OR10G3: variants seen among roughly 807,000 people sequenced by gnomAD.
The protein encoded by OR10G3 is olfactory receptor 10G3.
Under a neutral mutation model 13.4 loss-of-function variants are expected in OR10G3, and 8 were observed. The observed-to-expected ratio is 0.60, with a 90% CI of 0.35 to 1.08. OR10G3 has a LOEUF of 1.08. Among genes scored for constraint, OR10G3 ranks in the 50% least tolerant of loss-of-function variants. The pLI is 0.02. For synonymous variants in OR10G3, 142 were observed against 156.1 expected (o/e 0.91, Z 0.67); for missense variants, 393 against 386.6 (o/e 1.02, Z -0.14).
chr14:21,577,967 G>A (rs116826815), intron 1 of OR10G3, among the ~76,000 whole-genome samples: 3,955 of 151,824 alleles, frequency 0.026, 176 homozygotes, highest in African/African-American at 0.091. Context: ...ACACCATTGC[G>A]TTCCAGTCTG....
chr14:21,578,848 T>C (rs1876818763), intron 1 of OR10G3, among the ~76,000 whole-genome samples: 1 of 152,136 alleles, frequency 6.6e-6, no homozygotes, highest in Non-Finnish European at 1.5e-5. Context: ...AATATATACA[T>C]ATATAATATG....
intron 1 of OR10G3, among the ~76,000 whole-genome samples, chr14:21,572,337 G>T (rs560089437): frequency 4.7e-4 from 60 of 127,210 alleles, no homozygotes; most frequent in African/African-American, 1.7e-3. Context: ...GGTGGCTCAC[G>T]CCTGTAATCC....
rs1893042573 is a variant in OR10G3, at chr14:21,569,870, C to CG, written c.874dup (p.Arg292ProfsTer21). ...CAGGGCCAGCTTCACCTCTTGGTTC[C>CG]GCAGAGTGTAGATAAGGGGGTTGAG... On this transcript the variant is annotated frameshift_variant, in exon 2 of 2. Transcript: ENST00000641040. LOFTEE classifies it high-confidence loss of function. 1 of 1,614,138 alleles carries CG rather than the reference C, an allele frequency of 6.2e-7. No individual in the cohort carries two copies. Among genetic ancestry groups the CG allele is most frequent in the African/African-American group, 1.3e-5 (1 of 75,024 alleles).
chr14:21,574,320 A>G (rs376380340), intron 1 of OR10G3, among the ~76,000 whole-genome samples: 16,800 of 150,624 alleles, frequency 0.11, 1,141 homozygotes, highest in Middle Eastern at 0.17. Context: ...AAAAAAAAAA[A>G]AAAAGAAATT....
In OR10G3 at chr14:21,570,598, G is replaced by T; in HGVS notation, c.147C>A (p.Val49=). ...QLGNLLILIT[V]WADPRLHARP... ...GGGCATGGAGCCTTGGGTCTGCCCA[G>T]ACAGTGATTAAAATAAGCAGGTTTC... is the stretch of plus-strand genomic sequence containing the variant. Residue 49 remains valine, a synonymous_variant, in exon 2 of 2, where the codon GTC becomes GTA. Coordinates refer to ENST00000641040, the MANE Select transcript of OR10G3 (RefSeq NM_001005465.2). 1 of 1,614,138 alleles carries T rather than the reference G, an allele frequency of 6.2e-7. No homozygotes were observed. Among genetic ancestry groups the T allele is most frequent in the Non-Finnish European group, 8.5e-7 (1 of 1,180,024 alleles).
chr14:21,569,626 CTT>C lies in OR10G3; in HGVS notation c.*175_*176del. ...TACTCTTGCAGTGGCTGAGAGTTAT[CTT>C]GAGAGGATACTAAGGAACTGTTAGA... On this transcript the variant is annotated 3_prime_UTR_variant, in exon 2 of 2. Transcript: ENST00000641040. 1.7e-6 allele frequency: 1 copy of C among 599,760 alleles called. No homozygotes were observed. Among genetic ancestry groups the C allele is most frequent in the Non-Finnish European group, 2.9e-6 (1 of 345,806 alleles). The allele number at this position is 599,760 out of a possible 1,614,324, so 37.2% of individuals were successfully genotyped here.
Position 21,570,258 on chromosome 14 carries a change from G to C in OR10G3, c.487C>G (p.Leu163Val), listed in dbSNP as rs747117087. ...CCACAGTAGGGCAGGCGGAAGGTTA[G>C]GATGGCCTGGAGAGCCCCATGGATG... ...GSIHGALQAI[L>V]TFRLPYCGPN... The change falls in exon 2 of 2, where the codon CTA becomes GTA. Residue 163 changes from leucine (L) to valine (V), a missense_variant. Leu to Val is a conservative substitution (Grantham distance 32). Transcript: ENST00000641040. 6.2e-7 allele frequency: 1 copy of C among 1,614,226 alleles called. No individual in the cohort carries two copies. Among genetic ancestry groups the C allele is most frequent in the East Asian group, 2.2e-5 (1 of 44,888 alleles).
chr14:21,569,110 A>T lies in OR10G3; in HGVS notation c.*693T>A, dbSNP rs181418863. ...ACTCACATGGTCACAAGGTCCCACA[A>T]TAGGCCATCTGCAGGCTGAGGAGCA... On this transcript the variant is annotated 3_prime_UTR_variant, in exon 2 of 2. Transcript: ENST00000641040. 2.5e-4 allele frequency: 38 copies of T among 152,494 alleles called. No individual in the cohort carries two copies. The highest frequency in any genetic ancestry group is 8.7e-4 in the African/African-American group (36 of 41,496). 9.4% of individuals were successfully genotyped at this position (152,494 alleles called of 1,614,324 possible). A position where few individuals can be genotyped will look rare whatever the true frequency, so the allele number is the denominator to read the frequency against.
At chr14:21,572,653 T>C (rs548370709) in intron 1 of OR10G3, among the ~76,000 whole-genome samples, 2 of 147,782 alleles carry the variant, frequency 1.4e-5, no homozygotes, top group East Asian at 3.9e-4. Context: ...GTTGGAATAA[T>C]GAGCTTTTAA....
rs1318840744 is a variant in OR10G3, at chr14:21,575,327, C to T, written c.-18+4459G>A. On this transcript the variant is annotated intron_variant, in intron 1 of 1. Transcript: ENST00000641040. ...CGATCTCCTGACCTCATGATCTGCC[C>T]GCCTCGGCCTCCCAAAGTGCTGGGA... Among the ~76,000 whole-genome samples the T allele has an allele frequency of 4.0e-5, 6 of 151,364 alleles. No individual in the cohort carries two copies. In the East Asian group the frequency reaches 5.9e-4, roughly 15 times the overall value.
At chr14:21,570,876 A>G in intron 1 of OR10G3, 115 bp from the exon 2 acceptor site, 1 of 621,268 alleles carries the variant, frequency 1.6e-6, no homozygotes, top group Non-Finnish European at 2.8e-6. Context: ...CTTACGTGGA[A>G]AGATGACAAG....
At chr14:21,576,251 A>C (rs1299387752) in intron 1 of OR10G3, among the ~76,000 whole-genome samples, 1 of 152,130 alleles carries the variant, frequency 6.6e-6, no homozygotes, top group Non-Finnish European at 1.5e-5. Context: ...CTAAACAAAT[A>C]ATTTATTACT....
chr14:21,579,510 G>T (rs1314486919), intron 1 of OR10G3, among the ~76,000 whole-genome samples: 1 of 152,210 alleles, frequency 6.6e-6, no homozygotes, highest in Non-Finnish European at 1.5e-5. Flanking sequence ...ATCCCAAAGT[G>T]CTGGGATTAC....
Position 21,579,975 on chromosome 14 carries a change from T to C in OR10G3, c.-207A>G, listed in dbSNP as rs539473436. The C allele has an allele frequency of 6.6e-6, 1 of 152,328 alleles. No individual in the cohort carries two copies. The highest frequency in any genetic ancestry group is 1.9e-4 in the East Asian group (1 of 5,182). The allele number at this position is 152,328 out of a possible 1,614,324, so 9.4% of individuals were successfully genotyped here. A position where few individuals can be genotyped will look rare whatever the true frequency, so the allele number is the denominator to read the frequency against. On this transcript the variant is annotated 5_prime_UTR_variant, in exon 1 of 2. The change creates a new upstream start codon in the 5' untranslated region. Transcript: ENST00000641040. ...GTCAAACTATGGAAACTTAATTTAT[T>C]ATTTGCCTGCTTATTTGTAGAGATA...
intron 1 of OR10G3, among the ~76,000 whole-genome samples, chr14:21,572,289 A>AAAAG (rs1893079222): frequency 4.1e-4 from 30 of 73,468 alleles, no homozygotes; most frequent in African/African-American, 1.6e-3. Flanking sequence ...CCATCTCAAA[A>AAAAG]AAAAAAAAAA....
chr14:21,579,896 A>G lies in OR10G3; in HGVS notation c.-128T>C, dbSNP rs1012209877. On this transcript the variant is annotated 5_prime_UTR_variant, in exon 1 of 2. Transcript: ENST00000641040. ...CATAGGTCAGCAGCAATTATTGTGAAGAGCTCGTGGCAGAAGACCCAACTA... is the reference window on the plus strand; with the variant it reads ...CATAGGTCAGCAGCAATTATTGTGAGGAGCTCGTGGCAGAAGACCCAACTA... 2.0e-5 allele frequency: 3 copies of G among 152,190 alleles called. No homozygotes were observed. Among genetic ancestry groups the G allele is most frequent in the African/African-American group, 7.2e-5 (3 of 41,444 alleles). The allele number at this position is 152,190 out of a possible 1,614,324, so 9.4% of individuals were successfully genotyped here.
rs1893040649 is a variant in OR10G3, at chr14:21,569,727, A to G, written c.*76T>C. 1 of 1,232,784 alleles carries G rather than the reference A, an allele frequency of 8.1e-7. No homozygotes were observed. Among genetic ancestry groups the G allele is most frequent in the South Asian group, 1.5e-5 (1 of 66,396 alleles). The allele number at this position is 1,232,784 out of a possible 1,614,324, so 76.4% of individuals were successfully genotyped here. ...ATAAAAGAGAAAAAACAAGAAGAAAAGAAAAAAGTTACCGAAGCCTAAACA... is the reference window on the plus strand; with the variant it reads ...ATAAAAGAGAAAAAACAAGAAGAAAGGAAAAAAGTTACCGAAGCCTAAACA... On this transcript the variant is annotated 3_prime_UTR_variant, in exon 2 of 2. Transcript: ENST00000641040.
chr14:21,579,489 C>T (rs1876839880), intron 1 of OR10G3, among the ~76,000 whole-genome samples: 1 of 152,158 alleles, frequency 6.6e-6, no homozygotes, highest in Admixed American at 6.5e-5. Context: ...AGGTGATCCG[C>T]CCGTCTTGGC....
At chr14:21,570,897 C>A (rs1162691253) in intron 1 of OR10G3, 136 bp from the exon 2 acceptor site, 1 of 598,642 alleles carries the variant, frequency 1.7e-6, no homozygotes, top group Non-Finnish European at 2.9e-6. Flanking sequence ...TAGGGAGAAA[C>A]AATGTTCTCT....
Sources: allele counts gnomAD v4.1 joint callset (sites outside exome capture counted in the v4.1 genomes callset), GRCh38; gene constraint gnomAD v4.1.1; transcripts MANE v1.5; gene names NCBI Gene and HGNC (gene_info 2026-07-23, HGNC 2026-07-21).